The following KCNAB1 variants were observed in gnomAD, a reference collection of about 807,000 sequenced individuals.
KCNAB1 encodes voltage-gated potassium channel subunit beta-1.
In KCNAB1, 35 loss-of-function variants were observed where a neutral mutation model predicts 64.6. That is an observed-to-expected ratio of 0.54 (90% confidence interval 0.41 to 0.72). The LOEUF (loss-of-function observed/expected upper bound fraction) is 0.72, where lower values mean the gene tolerates loss of function less well. KCNAB1 is among the 30% of genes least tolerant of loss of function. The pLI is 0.00. For missense variants in KCNAB1, 401 were observed against 512.9 expected (o/e 0.78, Z 2.11); for synonymous variants, 177 against 183.8 (o/e 0.96, Z 0.30).
At chr3:156,315,338 G>A (rs978407382) in intron 1 of KCNAB1, among the ~76,000 whole-genome samples, 11 of 152,240 alleles carry the variant, frequency 7.2e-5, no homozygotes, top group African/African-American at 2.6e-4. Context: ...AGGCACTCAG[G>A]GGCTCTGGAT....
chr3:156,448,280 T>TC (rs1711734858), intron 2 of KCNAB1, among the ~76,000 whole-genome samples: 1 of 152,200 alleles, frequency 6.6e-6, no homozygotes, highest in Non-Finnish European at 1.5e-5. Flanking sequence ...AGTGAAATAA[T>TC]TGTATGCCAT....
chr3:156,539,098 G>GAA (rs1467620453), downstream of KCNAB1: 1 of 152,122 alleles, frequency 6.6e-6, no homozygotes, highest in African/African-American at 2.4e-5. Context: ...CTTCCAAAAA[G>GAA]AATTCCCTGG....
chr3:156,465,768 A>G (rs1713320836), intron 7 of KCNAB1, 82 bp downstream of exon 7: 1 of 1,141,608 alleles, frequency 8.8e-7, no homozygotes, highest in African/African-American at 1.5e-5. Flanking sequence ...TTCAGAACAC[A>G]CTGGAAGAGG....
intron 1 of KCNAB1, among the ~76,000 whole-genome samples, chr3:156,340,422 G>A (rs1368505773): frequency 1.3e-5 from 2 of 152,182 alleles, no homozygotes; most frequent in African/African-American, 4.8e-5. Context: ...TCCTCAGCCA[G>A]AAGCACCTTT....
intron 11 of KCNAB1, among the ~76,000 whole-genome samples, chr3:156,517,738 A>G (rs1241820577): frequency 6.6e-6 from 1 of 152,238 alleles, no homozygotes; most frequent in Non-Finnish European, 1.5e-5. Context: ...GCATGTTGTC[A>G]TATGTTCTTT....
chr3:156,152,071 GACA>G (rs1715445837), intron 1 of KCNAB1, among the ~76,000 whole-genome samples: 1 of 152,206 alleles, frequency 6.6e-6, no homozygotes, highest in Non-Finnish European at 1.5e-5. Flanking sequence ...CCGTGTCCCT[GACA>G]ACGACTGTGT....
intron 1 of KCNAB1, among the ~76,000 whole-genome samples, chr3:156,195,339 T>C (rs1368019147): frequency 2.0e-5 from 3 of 152,206 alleles, no homozygotes; most frequent in African/African-American, 7.2e-5. Flanking sequence ...TTTCTGGTTC[T>C]AGATCCTTGA....
intron 1 of KCNAB1, among the ~76,000 whole-genome samples, chr3:156,226,186 C>T (rs1244925278): frequency 1.1e-4 from 16 of 152,168 alleles, no homozygotes; most frequent in Admixed American, 1.0e-3. Flanking sequence ...GCCACAGTCA[C>T]CAAAACAGCA....
intron 1 of KCNAB1, among the ~76,000 whole-genome samples, chr3:156,208,914 G>T (rs1238394317): frequency 1.3e-5 from 2 of 152,198 alleles, no homozygotes; most frequent in African/African-American, 4.8e-5. Flanking sequence ...GTTATTTCAG[G>T]TGTATAGTTC....
At chr3:156,341,822 T>C (rs905989263) in intron 1 of KCNAB1, among the ~76,000 whole-genome samples, 3 of 152,234 alleles carry the variant, frequency 2.0e-5, no homozygotes, top group African/African-American at 7.2e-5. Context: ...ATATATGAGA[T>C]GGACCTTGAG....
chr3:156,374,390 C>G (rs1370908297), intron 1 of KCNAB1, among the ~76,000 whole-genome samples: 2 of 137,882 alleles, frequency 1.5e-5, no homozygotes, highest in East Asian at 3.9e-4. Context: ...GCCATGAATT[C>G]CTGAGCTATT....
Position 156,238,994 on chromosome 3 carries a change from A to G in KCNAB1, c.275+118108A>G, listed in dbSNP as rs1717014628. Among the ~76,000 whole-genome samples the G allele has an allele frequency of 2.6e-5, 4 of 152,192 alleles. No individual in the cohort carries two copies. In the South Asian group the frequency reaches 8.3e-4, roughly 32 times the overall value. On this transcript the variant is annotated intron_variant, in intron 1 of 13. Transcript: ENST00000490337. ...CCTTAAGTTTCGACACCTTTGGGGA[A>G]AAAAGAGCAGATCGTTACCTTTACT...
rs773698107 is a variant in KCNAB1, at chr3:156,300,204, T to TA, written c.276-121403dup. ...TGTTCTACTACGAAACCATCCAAGG[T>TA]AAAAAAAAATACTTCCCAATCACAA... On this transcript the variant is annotated intron_variant, in intron 1 of 13. Transcript: ENST00000490337. Among the ~76,000 whole-genome samples the TA allele has an allele frequency of 6.2e-4, 94 of 151,274 alleles. 1 individual carries two copies. The highest frequency in any genetic ancestry group is 1.3e-3 in the South Asian group (6 of 4,782).
At chr3:156,302,355 C>T (rs995097108) in intron 1 of KCNAB1, among the ~76,000 whole-genome samples, 9 of 152,052 alleles carry the variant, frequency 5.9e-5, no homozygotes, top group African/African-American at 1.9e-4. Flanking sequence ...AGGACATAGA[C>T]GTCTTTCATG....
intron 1 of KCNAB1, among the ~76,000 whole-genome samples, chr3:156,226,315 G>T (rs1374310300): frequency 6.6e-6 from 1 of 152,092 alleles, no homozygotes; most frequent in Non-Finnish European, 1.5e-5. Context: ...GTGGAGAAAG[G>T]ATACCCTACT....
At chr3:156,139,888 A>G (rs1245255665) in intron 1 of KCNAB1, among the ~76,000 whole-genome samples, 1 of 152,128 alleles carries the variant, frequency 6.6e-6, no homozygotes, top group Non-Finnish European at 1.5e-5. Context: ...TAAGAGGTAC[A>G]CTTGCAAGAG....
At chr3:156,482,517 G>T (rs1310323396) in intron 8 of KCNAB1, among the ~76,000 whole-genome samples, 3 of 151,848 alleles carry the variant, frequency 2.0e-5, no homozygotes, top group Non-Finnish European at 4.4e-5. Context: ...GTAGATTTTA[G>T]TTAGGATGAC....
At chr3:156,179,456 G>A (rs183190810) in intron 1 of KCNAB1, among the ~76,000 whole-genome samples, 1,239 of 47,000 alleles carry the variant, frequency 0.026, 21 homozygotes, top group African/African-American at 0.097. Flanking sequence ...TTCTTCCCCC[G>A]CGTTCTTCTG....
intron 1 of KCNAB1, among the ~76,000 whole-genome samples, chr3:156,163,030 A>G (rs1716171557): frequency 6.6e-6 from 1 of 152,220 alleles, no homozygotes; most frequent in African/African-American, 2.4e-5. Context: ...TTTAAAATTC[A>G]AGTTTAGGTG....
Sources: gnomAD v4.1 joint callset for allele counts (sites outside exome capture counted in the v4.1 genomes callset) on GRCh38, gnomAD v4.1.1 for gene constraint, MANE v1.5 for transcripts, NCBI Gene and HGNC (gene_info 2026-07-23, HGNC 2026-07-21) for gene names.